The following MGAT4C variants were observed in gnomAD, a reference collection of about 807,000 sequenced individuals.
The protein encoded by MGAT4C is alpha-1,3-mannosyl-glycoprotein 4-beta-N-acetylglucosaminyltransferase C.
A neutral mutation model predicts 40.1 loss-of-function variants in MGAT4C; 19 were observed. The ratio of observed to expected loss-of-function variants is 0.47; its 90% confidence interval spans 0.33 to 0.70. The LOEUF is 0.70. Among genes scored for constraint, MGAT4C ranks in the 30% least tolerant of loss-of-function variants. The pLI, the probability that MGAT4C is intolerant of heterozygous loss-of-function variation, is 0.02. For missense variants in MGAT4C, 491 were observed against 563.2 expected, an observed-to-expected ratio of 0.87 and a Z score of 1.30; for synonymous variants, 181 against 187.1, an observed-to-expected ratio of 0.97 and a Z score of 0.27.
intron 3 of MGAT4C, among the ~76,000 whole-genome samples, chr12:86,347,517 G>A (rs1410835146): frequency 1.3e-5 from 2 of 152,046 alleles, no homozygotes; most frequent in Non-Finnish European, 2.9e-5. Flanking sequence ...AACAAATCCC[G>A]TTTGTCTCAG....
In MGAT4C at chr12:86,133,970, G is replaced by A. The variant is rs1279672733; in HGVS notation, c.-56-84247C>T. ...TAGGAGATTTTATTCCTAATTTTAC[G>A]TCACTATAACAATAACTAAAAATAC... On this transcript the variant is annotated intron_variant, in intron 1 of 4. Coordinates refer to ENST00000611864, the MANE Select transcript of MGAT4C (RefSeq NM_001351288.2). 3.3e-5 allele frequency among the ~76,000 whole-genome samples: 5 copies of A among 151,778 alleles called. 1 individual carries two copies. The South Asian group carries it at 6.2e-4, about 19-fold the overall frequency.
intron 4 of MGAT4C, among the ~76,000 whole-genome samples, chr12:86,282,934 C>T (rs1953256674): frequency 6.6e-6 from 1 of 152,072 alleles, no homozygotes; most frequent in Admixed American, 6.6e-5. Flanking sequence ...TCTTCTAGCA[C>T]TATGAAACTT....
intron 3 of MGAT4C, among the ~76,000 whole-genome samples, chr12:86,337,461 T>C (rs1236747629): frequency 6.6e-6 from 1 of 151,604 alleles, no homozygotes; most frequent in Non-Finnish European, 1.5e-5. Context: ...CCAGTTGTGA[T>C]AGTCCCAGCT....
At chr12:86,209,261 ATAAT>A (rs1950370108) in intron 1 of MGAT4C, among the ~76,000 whole-genome samples, 1 of 152,046 alleles carries the variant, frequency 6.6e-6, no homozygotes. Flanking sequence ...CAAGAATTAT[ATAAT>A]TAAAGAATTA....
intron 1 of MGAT4C, among the ~76,000 whole-genome samples, chr12:86,107,167 C>A (rs914701090): frequency 6.6e-6 from 1 of 152,190 alleles, no homozygotes; most frequent in East Asian, 1.9e-4. Flanking sequence ...GCTGGATAAT[C>A]TAGCTCGCAT....
At chr12:86,364,905 C>T (rs947753359) in intron 3 of MGAT4C, among the ~76,000 whole-genome samples, 7 of 151,976 alleles carry the variant, frequency 4.6e-5, no homozygotes, top group South Asian at 2.1e-4. Flanking sequence ...AGGACTGGGG[C>T]GAAATTAAAA....
At chr12:86,167,249 A>G (rs925169161) in intron 1 of MGAT4C, among the ~76,000 whole-genome samples, 2 of 152,230 alleles carry the variant, frequency 1.3e-5, no homozygotes, top group Non-Finnish European at 2.9e-5. Flanking sequence ...TAACTCAATA[A>G]TCATGATAGT....
At chr12:86,039,220 T>G (rs1891564686) in intron 2 of MGAT4C, among the ~76,000 whole-genome samples, 1 of 152,122 alleles carries the variant, frequency 6.6e-6, no homozygotes, top group African/African-American at 2.4e-5. Context: ...TTTCGAGGAG[T>G]ATCTTTGTGA....
chr12:86,406,496 ACAT>A (rs1326652033), intron 3 of MGAT4C, among the ~76,000 whole-genome samples: 3 of 152,108 alleles, frequency 2.0e-5, no homozygotes, highest in Non-Finnish European at 4.4e-5. Context: ...AAGTTGTTCA[ACAT>A]CATTAGCAAT....
intron 2 of MGAT4C, among the ~76,000 whole-genome samples, chr12:86,588,963 A>G (rs1961194876): frequency 6.6e-6 from 1 of 151,606 alleles, no homozygotes; most frequent in African/African-American, 2.4e-5. Context: ...AAGATCCAAA[A>G]TTGACACCCT....
chr12:86,128,679 C>T (rs1880695363), intron 1 of MGAT4C, among the ~76,000 whole-genome samples: 1 of 152,080 alleles, frequency 6.6e-6, no homozygotes, highest in Admixed American at 6.6e-5. Context: ...GCTCAATAAG[C>T]TACAGAAGAC....
chr12:86,328,674 T>C (rs1268145138), intron 4 of MGAT4C, among the ~76,000 whole-genome samples: 1 of 152,132 alleles, frequency 6.6e-6, no homozygotes, highest in South Asian at 2.1e-4. Flanking sequence ...AAATTAAATA[T>C]AAAGACAAAT....
chr12:86,764,904 C>T (rs1951476133), intron 1 of MGAT4C, among the ~76,000 whole-genome samples: 1 of 152,014 alleles, frequency 6.6e-6, no homozygotes, highest in Admixed American at 6.6e-5. Flanking sequence ...GATAAAACCA[C>T]AAAGATGGGG....
intron 1 of MGAT4C, among the ~76,000 whole-genome samples, chr12:86,158,878 C>T (rs756226739): frequency 2.0e-5 from 3 of 152,060 alleles, no homozygotes; most frequent in South Asian, 2.1e-4. Context: ...GAATTTTGTA[C>T]CCCTATTTTG....
chr12:86,137,460 A>G (rs1882133313), intron 1 of MGAT4C, among the ~76,000 whole-genome samples: 1 of 152,122 alleles, frequency 6.6e-6, no homozygotes, highest in South Asian at 2.1e-4. Context: ...CCTTCTTAAA[A>G]CCATTCAGTG....
chr12:86,076,873 G>A (rs2135531339), intron 1 of MGAT4C, among the ~76,000 whole-genome samples: 1 of 152,196 alleles, frequency 6.6e-6, no homozygotes, highest in East Asian at 1.9e-4. Context: ...CCATCTGCAG[G>A]CTGAGGAGCA....
intron 3 of MGAT4C, among the ~76,000 whole-genome samples, chr12:86,406,968 T>C (rs964645941): frequency 6.6e-6 from 1 of 152,106 alleles, no homozygotes; most frequent in Admixed American, 6.6e-5. Flanking sequence ...ACGATTGTCC[T>C]CATTTTAGAT....
At chr12:86,274,861 C>G (rs79627821) in intron 4 of MGAT4C, among the ~76,000 whole-genome samples, 6 of 152,130 alleles carry the variant, frequency 3.9e-5, no homozygotes, top group African/African-American at 1.2e-4. Flanking sequence ...TAACACCATT[C>G]TGTGAAAGGA....
chr12:86,501,867 C>G lies in MGAT4C; in HGVS notation c.-228-66602G>C, dbSNP rs372381528. On this transcript the variant is annotated intron_variant, in intron 2 of 7. Coordinates refer to the MGAT4C transcript ENST00000548651. Reference sequence around the variant, plus strand: ...TCCATGGGTATACACCCAGTAATTGCTGGGTCAAATGATATTTCTATTTCT... The same window carrying G: ...TCCATGGGTATACACCCAGTAATTGGTGGGTCAAATGATATTTCTATTTCT... Among the ~76,000 whole-genome samples, 11 of 152,000 alleles carry G rather than the reference C, an allele frequency of 7.2e-5. No homozygotes were observed. The East Asian group carries it at 1.9e-3, about 27-fold the overall frequency.
Sources: gnomAD v4.1 joint callset for allele counts (sites outside exome capture counted in the v4.1 genomes callset) on GRCh38, gnomAD v4.1.1 for gene constraint, MANE v1.5 for transcripts, NCBI Gene and HGNC (gene_info 2026-07-23, HGNC 2026-07-21) for gene names.